Variants in GOLGA4 observed in about 807,000 individuals in gnomAD.
GOLGA4 encodes the protein golgin subfamily A member 4.
In GOLGA4, 169 loss-of-function variants were observed where a neutral mutation model predicts 265.9. The observed-to-expected ratio is 0.64, with a 90% CI of 0.56 to 0.72. The LOEUF is 0.72. GOLGA4 is among the 30% of genes least tolerant of loss of function. GOLGA4 has a pLI of 0.00. For missense variants in GOLGA4, 2,482 were observed against 2,483.4 expected (o/e 1.00, Z 0.01); for synonymous variants, 923 against 855.8 (o/e 1.08, Z -1.37).
At chr3:37,301,150 G>A (rs2096891583) in intron 9 of GOLGA4, among the ~76,000 whole-genome samples, 1 of 152,218 alleles carries the variant, frequency 6.6e-6, no homozygotes, top group Non-Finnish European at 1.5e-5. Context: ...TGAAATTGTT[G>A]TCACAAAGTC....
rs1696756022 is a variant in GOLGA4, at chr3:37,366,479, T to C, written c.*433T>C. On this transcript the variant is annotated 3_prime_UTR_variant, in exon 24 of 24. Coordinates refer to ENST00000361924, the MANE Select transcript of GOLGA4 (RefSeq NM_002078.5). Reference sequence around the variant, plus strand: ...TTTGAGGTGAAACTTAGTGGATTTTTTCTGATAAATTAGAGCATTTAATTG... The same window carrying C: ...TTTGAGGTGAAACTTAGTGGATTTTCTCTGATAAATTAGAGCATTTAATTG... 1 of 186,910 alleles carries C rather than the reference T, an allele frequency of 5.4e-6. No homozygotes were observed. Among genetic ancestry groups the C allele is most frequent in the Admixed American group, 6.1e-5 (1 of 16,404 alleles). 11.6% of individuals were successfully genotyped at this position (186,910 alleles called of 1,614,324 possible).
At position 37,275,237 on chromosome 3, in the gene GOLGA4, A is replaced by G. The variant is rs1225593168; in HGVS notation, c.163-6721A>G. Among the ~76,000 whole-genome samples, 36 of 150,396 alleles carry G rather than the reference A, an allele frequency of 2.4e-4. No homozygotes were observed. The East Asian group carries it at 3.7e-3, about 15-fold the overall frequency. ...TCTCAAAAAAAAAAAAAAAAAAAAA[A>G]AAAAGAAAAAAAAAACCCCAAAAAA... On this transcript the variant is annotated intron_variant, in intron 2 of 23. Coordinates refer to ENST00000361924, the MANE Select transcript of GOLGA4 (RefSeq NM_002078.5).
At chr3:37,273,634 A>G (rs1255480614) in intron 2 of GOLGA4, 3 of 1,118,676 alleles carry the variant, frequency 2.7e-6, no homozygotes, top group Non-Finnish European at 3.9e-6. Flanking sequence ...AGAAAATAAC[A>G]AGTCATTTCA....
At chr3:37,250,787 C>T (rs533957776) in intron 1 of GOLGA4, among the ~76,000 whole-genome samples, 78 of 152,082 alleles carry the variant, frequency 5.1e-4, no homozygotes, top group Admixed American at 1.6e-3. Flanking sequence ...AGTTTTTTTG[C>T]GCTGAGGGTT....
intron 1 of GOLGA4, 65 bp from the exon 2 acceptor site, chr3:37,251,330 T>A: frequency 1.0e-6 from 1 of 955,910 alleles, no homozygotes. Context: ...AGAGAAGGAC[T>A]ACCTAGTTCA....
intron 23 of GOLGA4, among the ~76,000 whole-genome samples, chr3:37,362,780 C>CTTTTTTTTTTTTTTTCT (rs1696421663): frequency 1.3e-5 from 1 of 75,464 alleles, no homozygotes; most frequent in Non-Finnish European, 2.8e-5. Context: ...AGCCTCTAAG[C>CTTTTTTTTTTTTTTTCT]TTTTTTTTTT....
rs767118021 is a variant in GOLGA4, at chr3:37,361,282, C to T, written c.*10C>T. On this transcript the variant is annotated 3_prime_UTR_variant, in exon 23 of 24. Coordinates refer to ENST00000361924, the MANE Select transcript of GOLGA4 (RefSeq NM_002078.5). ...CAGTGGTATCTTCTGAGTAAACCAT[C>T]AGTCTGTGCTTAGTTAACATGTGGT... The T allele has an allele frequency of 6.2e-7, 1 of 1,612,684 alleles. No homozygotes were observed.
chr3:37,256,317 C>T (rs2096748538), intron 2 of GOLGA4, among the ~76,000 whole-genome samples: 1 of 151,888 alleles, frequency 6.6e-6, no homozygotes, highest in Non-Finnish European at 1.5e-5. Context: ...TATTCCGTTC[C>T]ACTGTTCTCT....
chr3:37,328,015 A>G (rs1171760353), intron 14 of GOLGA4, among the ~76,000 whole-genome samples, 190 bp downstream of exon 14: 1 of 152,122 alleles, frequency 6.6e-6, no homozygotes, highest in African/African-American at 2.4e-5. Flanking sequence ...GTGTTATTCC[A>G]TGTCCATTTA....
At chr3:37,276,916 C>T (rs1202266355) in intron 2 of GOLGA4, among the ~76,000 whole-genome samples, 1 of 152,098 alleles carries the variant, frequency 6.6e-6, no homozygotes, top group Non-Finnish European at 1.5e-5. Context: ...TTCTTTTACA[C>T]TGTGAAACAT....
At chr3:37,355,656 G>A (rs2097089017) in intron 22 of GOLGA4, among the ~76,000 whole-genome samples, 1 of 152,040 alleles carries the variant, frequency 6.6e-6, no homozygotes, top group South Asian at 2.1e-4. Flanking sequence ...GGGGCAATCA[G>A]ACAAACAATG....
chr3:37,354,365 G>A (rs752275846), intron 21 of GOLGA4, among the ~76,000 whole-genome samples: 15 of 152,020 alleles, frequency 9.9e-5, no homozygotes, highest in Non-Finnish European at 1.5e-4. Flanking sequence ...TATTTCATAA[G>A]TGGTATCTTC....
At chr3:37,333,368 A>G (rs1257628798) in intron 16 of GOLGA4, among the ~76,000 whole-genome samples, 1 of 152,198 alleles carries the variant, frequency 6.6e-6, no homozygotes, top group Non-Finnish European at 1.5e-5. Context: ...TTTACTTCAA[A>G]GCAACAATAT....
intron 1 of GOLGA4, among the ~76,000 whole-genome samples, chr3:37,250,773 C>T (rs2096731605): frequency 1.3e-5 from 2 of 151,958 alleles, no homozygotes; most frequent in Admixed American, 1.3e-4. Flanking sequence ...AGCCCTTTCT[C>T]CTGAGTTTTT....
At chr3:37,362,068 A>G (rs1696316482) in intron 23 of GOLGA4, among the ~76,000 whole-genome samples, 1 of 152,224 alleles carries the variant, frequency 6.6e-6, no homozygotes, top group African/African-American at 2.4e-5. Context: ...CACAAAATCA[A>G]AAACAGATCA....
intron 22 of GOLGA4, among the ~76,000 whole-genome samples, chr3:37,357,971 G>A (rs2097094932): frequency 6.6e-6 from 1 of 152,084 alleles, no homozygotes; most frequent in Non-Finnish European, 1.5e-5. Flanking sequence ...GTGCAGCTAT[G>A]GTTTCACTTC....
rs1307051256 is a variant in GOLGA4, at chr3:37,286,029, C to G, written c.493C>G (p.Gln165Glu). The change falls in exon 4 of 24, where the codon CAG (glutamine) becomes GAG (glutamate). Residue 165 changes from glutamine to glutamate, a missense_variant. Coordinates refer to ENST00000361924, the MANE Select transcript of GOLGA4 (RefSeq NM_002078.5). Reference protein sequence around the residue: ...GKYSELVTAYQMLQREKKKLQ... With the variant: ...GKYSELVTAYEMLQREKKKLQ... ...TATATTTTAGCTTGTTACAGCTTAT[C>G]AGATGCTTCAGAGAGAGAAGAAAAA... 2 of 1,566,280 alleles carry G rather than the reference C, an allele frequency of 1.3e-6. No homozygotes were observed. The highest frequency in any genetic ancestry group is 2.3e-5 in the East Asian group (1 of 44,192).
intron 21 of GOLGA4, among the ~76,000 whole-genome samples, chr3:37,352,025 T>C (rs908303842): frequency 1.3e-5 from 2 of 151,972 alleles, no homozygotes; most frequent in African/African-American, 4.8e-5. Flanking sequence ...TTTCTTCAAA[T>C]AGAAGGCTGT....
intron 2 of GOLGA4, among the ~76,000 whole-genome samples, chr3:37,274,764 A>C (rs1047667978): frequency 6.6e-6 from 1 of 152,078 alleles, no homozygotes; most frequent in African/African-American, 2.4e-5. Context: ...AGTGATGACT[A>C]TTATCATCAT....
Sources: gnomAD v4.1 joint callset for allele counts (sites outside exome capture counted in the v4.1 genomes callset) on GRCh38, gnomAD v4.1.1 for gene constraint, MANE v1.5 for transcripts, NCBI Gene and HGNC (gene_info 2026-07-23, HGNC 2026-07-21) for gene names.